The following IL7R variants were observed in gnomAD, a reference collection of about 807,000 sequenced individuals.
IL7R encodes the protein interleukin 7 receptor, also known as interleukin-7 receptor subunit alpha.
A neutral mutation model predicts 47.0 loss-of-function variants in IL7R; 38 were observed. The observed-to-expected ratio is 0.81, with a 90% CI of 0.62 to 1.06. The LOEUF is 1.06. Among genes scored for constraint, IL7R ranks in the 50% least tolerant of loss-of-function variants. The probability of loss-of-function intolerance (pLI) is 0.00; values close to 1 mark genes in which losing one functional copy is unlikely to be tolerated. For synonymous variants in IL7R, 221 were observed against 199.8 expected (o/e 1.11, Z -0.89); for missense variants, 633 against 534.8 (o/e 1.18, Z -1.81).
chr5:35,871,298 G>T, intron 4 of IL7R, 85 bp downstream of exon 4: 1 of 1,124,538 alleles, frequency 8.9e-7, no homozygotes, highest in East Asian at 2.5e-5. Flanking sequence ...CCCCTGGGAG[G>T]GCCCAACAAT....
At chr5:35,869,067 A>G (rs1760008822) in intron 3 of IL7R, among the ~76,000 whole-genome samples, 1 of 152,286 alleles carries the variant, frequency 6.6e-6, no homozygotes, top group African/African-American at 2.4e-5. Context: ...GAGGTGGTGG[A>G]GGCATGTCTC....
intron 3 of IL7R, 170 bp downstream of exon 3, chr5:35,867,633 A>G: frequency 1.4e-6 from 1 of 690,522 alleles, no homozygotes. Flanking sequence ...TGAAATTTAT[A>G]CTTTCCTGCA....
At chr5:35,864,447 C>T (rs569265277) in intron 2 of IL7R, among the ~76,000 whole-genome samples, 98 of 152,172 alleles carry the variant, frequency 6.4e-4, no homozygotes, top group South Asian at 3.5e-3. Context: ...TATAAGAAAC[C>T]GCCCAACAGT....
chr5:35,873,503 G>T lies in IL7R; in HGVS notation c.561G>T (p.Lys187Asn), dbSNP rs11567764. 6.2e-7 allele frequency: 1 copy of T among 1,613,850 alleles called. No homozygotes were observed. Among genetic ancestry groups the T allele is most frequent in the Non-Finnish European group, 8.5e-7 (1 of 1,179,958 alleles). Residue 187 changes from lysine (K) to asparagine (N), a missense_variant, in exon 5 of 8, where the codon AAG (lysine) becomes AAT (asparagine). Transcript: ENST00000303115. ...AGCATGTGAATTTATCCAGCACAAA[G>T]CTGACACTCCTGCAGAGAAAGCTCC... ...KWTHVNLSSTKLTLLQRKLQP... is the reference protein window; with the variant it reads ...KWTHVNLSSTNLTLLQRKLQP...
intron 6 of IL7R, 170 bp from the exon 7 acceptor site, chr5:35,875,342 C>A: frequency 1.5e-6 from 1 of 677,118 alleles, no homozygotes. Flanking sequence ...ATTGATAGGG[C>A]CCCGAGGCCC....
At position 35,877,225 on chromosome 5, in the gene IL7R, A is replaced by G. The variant is rs1760242133; in HGVS notation, c.*739A>G. 1 of 233,176 alleles carries G rather than the reference A, an allele frequency of 4.3e-6. No individual in the cohort carries two copies. Among genetic ancestry groups the G allele is most frequent in the Non-Finnish European group, 8.5e-6 (1 of 118,060 alleles). 14.4% of individuals were successfully genotyped at this position (233,176 alleles called of 1,614,324 possible). A position where few individuals can be genotyped will look rare whatever the true frequency, so the allele number is the denominator to read the frequency against. On this transcript the variant is annotated 3_prime_UTR_variant, in exon 8 of 8. Transcript: ENST00000303115. Reference sequence around the variant, plus strand: ...GAAACTTACATATAATCCCTCCGGGACAATGAGCAAAAACTAGGACTGTCC... The same window carrying G: ...GAAACTTACATATAATCCCTCCGGGGCAATGAGCAAAAACTAGGACTGTCC...
intron 2 of IL7R, among the ~76,000 whole-genome samples, 193 bp downstream of exon 2, chr5:35,861,183 G>C (rs1271342518): frequency 6.6e-6 from 1 of 152,140 alleles, no homozygotes; most frequent in East Asian, 1.9e-4. Flanking sequence ...TCACGGTTCA[G>C]CTTTCAGACC....
chr5:35,875,870 C>A, intron 7 of IL7R, 113 bp from the exon 8 acceptor site: 2 of 1,187,678 alleles, frequency 1.7e-6, no homozygotes, highest in Non-Finnish European at 1.2e-6. Flanking sequence ...AACATGCTGG[C>A]AATTCTGTGA....
chr5:35,867,136 A>G (rs1258763234), intron 2 of IL7R, among the ~76,000 whole-genome samples, 170 bp from the exon 3 acceptor site: 1 of 152,132 alleles, frequency 6.6e-6, no homozygotes, highest in Non-Finnish European at 1.5e-5. Flanking sequence ...GCAGAAAGCC[A>G]TAAGATTTTA....
chr5:35,864,480 C>G (rs898393787), intron 2 of IL7R, among the ~76,000 whole-genome samples: 1 of 152,120 alleles, frequency 6.6e-6, no homozygotes, highest in African/African-American at 2.4e-5. Flanking sequence ...TTATACCATT[C>G]TACTCTCCTT....
In IL7R at chr5:35,879,527, C is replaced by T. The variant is rs750702290; in HGVS notation, c.*3041C>T. 14 of 229,926 alleles carry T rather than the reference C, an allele frequency of 6.1e-5. No individual in the cohort carries two copies. The highest frequency in any genetic ancestry group is 1.8e-4 in the African/African-American group (8 of 45,132). The allele number at this position is 229,926 out of a possible 1,614,324, so 14.2% of individuals were successfully genotyped here. ...CTATCCACATGCATTACAAACATTT[C>T]GCAGAGCTGCTTAGTATATAAGCGT... On this transcript the variant is annotated 3_prime_UTR_variant, in exon 8 of 8. Coordinates refer to ENST00000303115, the MANE Select transcript of IL7R (RefSeq NM_002185.5).
At position 35,878,744 on chromosome 5, in the gene IL7R, C is replaced by A. The variant is rs1760277376; in HGVS notation, c.*2258C>A. On this transcript the variant is annotated 3_prime_UTR_variant, in exon 8 of 8. Transcript: ENST00000303115. ...ATGGGAAAACTGGGACACAGGAAGA[C>A]AGGTAAATTACCCAACCTCACACGT... The A allele has an allele frequency of 4.3e-6, 1 of 232,826 alleles. No individual in the cohort carries two copies. The highest frequency in any genetic ancestry group is 8.5e-6 in the Non-Finnish European group (1 of 117,892). The allele number at this position is 232,826 out of a possible 1,614,324, so 14.4% of individuals were successfully genotyped here. A position where few individuals can be genotyped will look rare whatever the true frequency, so the allele number is the denominator to read the frequency against.
rs960178958 is a variant in IL7R, at chr5:35,877,941, G to A, written c.*1455G>A. 2.6e-5 allele frequency: 6 copies of A among 232,996 alleles called. No individual in the cohort carries two copies. The highest frequency in any genetic ancestry group is 8.8e-5 in the African/African-American group (4 of 45,268). 14.4% of individuals were successfully genotyped at this position (232,996 alleles called of 1,614,324 possible). A position where few individuals can be genotyped will look rare whatever the true frequency, so the allele number is the denominator to read the frequency against. On this transcript the variant is annotated 3_prime_UTR_variant, in exon 8 of 8. Transcript: ENST00000303115. ...ATGCTGCACAGAAAACTAGAGAAGG[G>A]GTCATAGGTTCATGGTTTTGTTTGA...
chr5:35,875,795 C>T (rs1021446981), intron 7 of IL7R, 188 bp from the exon 8 acceptor site: 1 of 775,720 alleles, frequency 1.3e-6, no homozygotes, highest in Non-Finnish European at 2.2e-6. Flanking sequence ...CTGGAGGGCA[C>T]AGCCAGTGGT....
chr5:35,862,966 C>T (rs1001191563), intron 2 of IL7R, among the ~76,000 whole-genome samples: 2 of 152,032 alleles, frequency 1.3e-5, no homozygotes, highest in Non-Finnish European at 2.9e-5. Flanking sequence ...GATCTTTCCA[C>T]CTGATGTTTG....
chr5:35,875,236 C>T (rs527316532), intron 6 of IL7R, among the ~76,000 whole-genome samples: 1 of 152,322 alleles, frequency 6.6e-6, no homozygotes, highest in African/African-American at 2.4e-5. Flanking sequence ...CTTGGTGTTC[C>T]TTCCCTCTAG....
chr5:35,867,555 A>G, intron 3 of IL7R, 92 bp downstream of exon 3: 1 of 991,890 alleles, frequency 1.0e-6, no homozygotes, highest in Non-Finnish European at 1.6e-6. Flanking sequence ...GTAGACAAAT[A>G]GTGGAAACAA....
In IL7R at chr5:35,876,250, C is replaced by A. The variant is rs769324453; in HGVS notation, c.1144C>A (p.Leu382Ile). 6.2e-7 allele frequency: 1 copy of A among 1,614,016 alleles called. No homozygotes were observed. Among genetic ancestry groups the A allele is most frequent in the Non-Finnish European group, 8.5e-7 (1 of 1,180,044 alleles). ...TGTCAGTGCATGTGACGCCCCTATT[C>A]TCTCCTCTTCCAGGTCCCTAGACTG... ...GNVSACDAPI[L>I]SSSRSLDCRE... The change falls in exon 8 of 8, where the codon CTC becomes ATC. Residue 382 changes from leucine (L) to isoleucine (I), a missense_variant. Physicochemically the swap from Leu to Ile is conservative, Grantham distance 5. Transcript: ENST00000303115.
chr5:35,869,287 A>C (rs980714456), intron 3 of IL7R, among the ~76,000 whole-genome samples: 1 of 152,192 alleles, frequency 6.6e-6, no homozygotes, highest in African/African-American at 2.4e-5. Context: ...TTAGCAGAGT[A>C]GATTGATATG....
Sources: gnomAD v4.1 joint callset for allele counts (sites outside exome capture counted in the v4.1 genomes callset) on GRCh38, gnomAD v4.1.1 for gene constraint, MANE v1.5 for transcripts, NCBI Gene and HGNC (gene_info 2026-07-23, HGNC 2026-07-21) for gene names.